DUS2: variants seen among roughly 807,000 people sequenced by gnomAD.
DUS2 encodes the protein tRNA-dihydrouridine(20) synthase [NAD(P)+]-like.
In DUS2, 52 loss-of-function variants were observed where a neutral mutation model predicts 71.3. The observed-to-expected ratio is 0.73, with a 90% confidence interval of 0.58 to 0.92. The LOEUF is 0.92. Ranked by LOEUF, DUS2 falls within the 40% of genes least tolerant of loss-of-function variation. The pLI is 0.00. For synonymous variants in DUS2, 204 were observed against 227.8 expected (o/e 0.90, Z 0.94); for missense variants, 558 against 622.6 (o/e 0.90, Z 1.10).
intron 4 of DUS2, among the ~76,000 whole-genome samples, chr16:68,052,719 T>G (rs1474954968): frequency 6.6e-6 from 1 of 151,428 alleles, no homozygotes; most frequent in African/African-American, 2.4e-5. Context: ...CTCAGCTCAC[T>G]GCAATCTCTG....
intron 10 of DUS2, 77 bp downstream of exon 10, chr16:68,066,713 C>CTTGGGGTGACAGAT: frequency 2.8e-6 from 4 of 1,428,876 alleles, no homozygotes; most frequent in Non-Finnish European, 3.0e-6. Flanking sequence ...TGATCTGTCA[C>CTTGGGGTGACAGAT]CCCAAGTGAC....
intron 3 of DUS2, among the ~76,000 whole-genome samples, chr16:68,049,253 G>A (rs1438969496): frequency 5.3e-5 from 8 of 152,174 alleles, no homozygotes; most frequent in Non-Finnish European, 1.2e-4. Flanking sequence ...TTCTGGCTAA[G>A]TGGTTCATTC....
intron 13 of DUS2, 127 bp downstream of exon 13, chr16:68,074,282 T>A: frequency 8.0e-7 from 1 of 1,254,162 alleles, no homozygotes; most frequent in Non-Finnish European, 1.1e-6. Flanking sequence ...AGGAGTGGAG[T>A]GATGGTACAG....
At chr16:68,070,454 G>A (rs2034068037) in intron 11 of DUS2, among the ~76,000 whole-genome samples, 1 of 152,224 alleles carries the variant, frequency 6.6e-6, no homozygotes, top group African/African-American at 2.4e-5. Flanking sequence ...CAGAGACAGA[G>A]CAGGGGGTCC....
chr16:68,067,917 C>T (rs1481444128), intron 10 of DUS2, among the ~76,000 whole-genome samples: 1 of 152,216 alleles, frequency 6.6e-6, no homozygotes, highest in African/African-American at 2.4e-5. Context: ...GCCTCAGCCC[C>T]TCAAAGTGCT....
intron 3 of DUS2, among the ~76,000 whole-genome samples, chr16:68,039,259 C>A (rs1320111450): frequency 6.6e-6 from 1 of 151,908 alleles, no homozygotes; most frequent in Non-Finnish European, 1.5e-5. Context: ...TTAACCATGT[C>A]AGGTAATGCA....
chr16:68,060,711 G>A (rs2033926825), intron 7 of DUS2, among the ~76,000 whole-genome samples: 1 of 152,168 alleles, frequency 6.6e-6, no homozygotes, highest in Admixed American at 6.5e-5. Context: ...AGCTAGGTGT[G>A]GTTGTGCATG....
chr16:68,036,353 G>A (rs2033527075), intron 2 of DUS2, among the ~76,000 whole-genome samples: 1 of 152,088 alleles, frequency 6.6e-6, no homozygotes, highest in Non-Finnish European at 1.5e-5. Context: ...TAGAGACGGG[G>A]TTTCACCATC....
intron 2 of DUS2, among the ~76,000 whole-genome samples, chr16:68,029,605 C>G (rs1010074995): frequency 6.6e-6 from 1 of 151,912 alleles, no homozygotes; most frequent in Non-Finnish European, 1.5e-5. Flanking sequence ...CACCACCATA[C>G]CCGGCTAATT....
intron 7 of DUS2, among the ~76,000 whole-genome samples, chr16:68,058,702 A>G (rs1039132974): frequency 2.0e-5 from 3 of 152,214 alleles, no homozygotes; most frequent in Non-Finnish European, 4.4e-5. Context: ...AGAAGAAACT[A>G]GTAACATTGA....
chr16:68,065,404 A>T (rs1277297402), intron 8 of DUS2, among the ~76,000 whole-genome samples: 11 of 146,402 alleles, frequency 7.5e-5, no homozygotes, highest in Admixed American at 2.0e-4. Flanking sequence ...AGAAACAGGG[A>T]TGGGCTAGGT....
rs756248906 is a variant in DUS2 at position 68,071,012 on chromosome 16, C to T, written c.714C>T (p.Ser238=). ...TTCGACAAGCCACGGCAGCCTCTTC[C>T]GTGATGGTGGCCCGAGCAGCCATGT... ...EDFRQATAAS[S]VMVARAAMWN... The change falls in exon 12 of 17, where the codon TCC becomes TCT. Residue 238 remains serine (S), a synonymous_variant. Transcript: ENST00000565263. The T allele has an allele frequency of 2.2e-5, 36 of 1,614,124 alleles. No homozygotes were observed. The highest frequency in any genetic ancestry group is 3.3e-5 in the South Asian group (3 of 91,092).
chr16:68,028,465 C>T (rs1342480072), intron 2 of DUS2, among the ~76,000 whole-genome samples: 1 of 151,922 alleles, frequency 6.6e-6, no homozygotes, highest in East Asian at 1.9e-4. Flanking sequence ...GAAACCCCAT[C>T]CCTACTAAAA....
intron 2 of DUS2, among the ~76,000 whole-genome samples, chr16:68,036,807 C>T (rs1427537305): frequency 1.3e-5 from 2 of 152,174 alleles, no homozygotes; most frequent in African/African-American, 4.8e-5. Flanking sequence ...TCTCTTGCCT[C>T]AGGACCTTTG....
At chr16:68,057,109 TTATA>T (rs1164984083) in intron 7 of DUS2, among the ~76,000 whole-genome samples, 1 of 140,148 alleles carries the variant, frequency 7.1e-6, no homozygotes, top group Non-Finnish European at 1.5e-5. Context: ...ATTACATATA[TTATA>T]TATTACATAT....
intron 3 of DUS2, among the ~76,000 whole-genome samples, chr16:68,040,529 C>T (rs984107061): frequency 1.3e-5 from 2 of 152,146 alleles, no homozygotes; most frequent in East Asian, 3.8e-4. Context: ...CTGTATGGAG[C>T]AGAGGAAATA....
intron 3 of DUS2, among the ~76,000 whole-genome samples, chr16:68,046,344 G>A (rs1270563280): frequency 6.6e-6 from 1 of 152,100 alleles, no homozygotes; most frequent in African/African-American, 2.4e-5. Context: ...ACGGCTGCCA[G>A]CTGCATCTAT....
intron 2 of DUS2, among the ~76,000 whole-genome samples, chr16:68,036,197 G>A (rs2033524288): frequency 6.8e-6 from 1 of 147,684 alleles, no homozygotes; most frequent in South Asian, 2.1e-4. Context: ...GTCTTGCTCT[G>A]TCGCCCAGGC....
chr16:68,041,012 C>A (rs112824556), intron 3 of DUS2, among the ~76,000 whole-genome samples: 1 of 152,118 alleles, frequency 6.6e-6, no homozygotes, highest in Non-Finnish European at 1.5e-5. Flanking sequence ...AGGTGGATCA[C>A]CTGAGGTCAG....
Sources: allele counts gnomAD v4.1 joint callset (sites outside exome capture counted in the v4.1 genomes callset), GRCh38; gene constraint gnomAD v4.1.1; transcripts MANE v1.5; gene names NCBI Gene and HGNC (gene_info 2026-07-23, HGNC 2026-07-21).